The following TMCO1 variants were observed in gnomAD, a reference collection of about 807,000 sequenced individuals.
TMCO1 encodes calcium load-activated calcium channel.
In TMCO1, 29 loss-of-function variants were observed where a neutral mutation model predicts 29.3. The ratio of observed to expected loss-of-function variants is 0.99; its 90% CI spans 0.74 to 1.35. The LOEUF (loss-of-function observed/expected upper bound fraction) is 1.35. Among genes scored for constraint, TMCO1 ranks in the 40% most tolerant of loss-of-function variants. TMCO1 has a pLI of 0.00. For missense variants in TMCO1, 173 were observed against 225.5 expected (o/e 0.77, Z 1.49); for synonymous variants, 80 against 77.1 (o/e 1.04, Z -0.20).
intron 6 of TMCO1, among the ~76,000 whole-genome samples, chr1:165,742,609 A>C (rs1481943488): frequency 6.8e-6 from 1 of 148,134 alleles, no homozygotes; most frequent in African/African-American, 2.7e-5. Flanking sequence ...TTCATTCTCT[A>C]AACCTTTCTG....
At position 165,768,721 on chromosome 1, in the gene TMCO1, T is replaced by C; in HGVS notation, c.31A>G (p.Ile11Val). The C allele has an allele frequency of 1.9e-6, 3 of 1,613,986 alleles. No individual in the cohort carries two copies. Among genetic ancestry groups the C allele is most frequent in the Non-Finnish European group, 2.5e-6 (3 of 1,179,990 alleles). Reference protein sequence around the residue: MSTMFADTLLIVFISVCTALL... With the variant: MSTMFADTLLVVFISVCTALL... ...GCCGTGCACACAGAGATAAAAACGA[T>C]GAGGAGAGTGTCCGCGAACATAGTG... is the stretch of plus-strand genomic sequence containing the variant. Residue 11 changes from isoleucine (I) to valine (V), a missense_variant, in exon 1 of 7, where the codon ATC becomes GTC. Physicochemically the swap from Ile to Val is conservative, Grantham distance 29. Transcript: ENST00000367881.
At chr1:165,768,106 G>T in intron 2 of TMCO1, 86 bp downstream of exon 2, 2 of 1,153,734 alleles carry the variant, frequency 1.7e-6, no homozygotes, top group Admixed American at 1.8e-5. Flanking sequence ...CTTTGTATCA[G>T]CTGGTGCTCT....
At chr1:165,760,498 T>C (rs1283292686) in intron 2 of TMCO1, among the ~76,000 whole-genome samples, 3 of 150,240 alleles carry the variant, frequency 2.0e-5, no homozygotes, top group East Asian at 2.0e-4. Context: ...TACATAACAA[T>C]AAGCTTTTGA....
downstream of TMCO1, chr1:165,725,290 A>G (rs1650829782): frequency 2.2e-6 from 1 of 454,032 alleles, no homozygotes; most frequent in Non-Finnish European, 4.4e-6. Flanking sequence ...AGGGGGATCT[A>G]GAAGCTCTAT....
In TMCO1 at chr1:165,752,126, G is replaced by T; in HGVS notation, c.299C>A (p.Ala100Asp). The change falls in exon 5 of 7, where the codon GCC becomes GAC. Residue 100 changes from alanine to aspartate, a missense_variant. Ala to Asp is a moderately radical substitution (Grantham distance 126). Coordinates refer to ENST00000367881, the MANE Select transcript of TMCO1 (RefSeq NM_019026.6). ...CATGGAATTGAACATTCCCATTAGG[G>T]CAGTAAAACAAAAGCCAATAGCAAA... ...SMFAIGFCFT[A>D]LMGMFNSIFD... is the part of the protein sequence containing the mutation. 6.2e-7 allele frequency: 1 copy of T among 1,613,198 alleles called. No homozygotes were observed. Among genetic ancestry groups the T allele is most frequent in the Non-Finnish European group, 8.5e-7 (1 of 1,179,524 alleles).
chr1:165,742,959 T>G (rs562590839), intron 6 of TMCO1, among the ~76,000 whole-genome samples: 43 of 152,270 alleles, frequency 2.8e-4, no homozygotes, highest in Middle Eastern at 3.4e-3. Flanking sequence ...ATGTTTGGTT[T>G]TATCACTACT....
chr1:165,725,714 C>G (rs893726091), downstream of TMCO1: 1 of 454,022 alleles, frequency 2.2e-6, no homozygotes, highest in African/African-American at 2.0e-5. Context: ...GAAATTTCTT[C>G]AGGACAAGAA....
chr1:165,728,545 C>A (rs1022406375), intron 6 of TMCO1, among the ~76,000 whole-genome samples: 1 of 151,930 alleles, frequency 6.6e-6, no homozygotes, highest in African/African-American at 2.4e-5. Flanking sequence ...AGGGAGTCAC[C>A]GCACCTGGCA....
At chr1:165,752,211 A>C (rs770962427) in intron 4 of TMCO1, 42 bp from the exon 5 acceptor site, 1 of 1,523,390 alleles carries the variant, frequency 6.6e-7, no homozygotes, top group Non-Finnish European at 9.1e-7. Context: ...ACTAAAAAAA[A>C]ACACATCTAA....
At position 165,728,029 on chromosome 1, in the gene TMCO1, G is replaced by C; in HGVS notation, c.561C>G (p.Phe187Leu). Residue 187 changes from phenylalanine (F) to leucine (L), a missense_variant, in exon 7 of 7, where the codon TTC becomes TTG. Coordinates refer to ENST00000367881, the MANE Select transcript of TMCO1 (RefSeq NM_019026.6). ...FLGPPPPSGKFS is the reference protein window; with the variant it reads ...FLGPPPPSGKLS The stretch of plus-strand genomic sequence containing the variant: ...AAATAAAGAGTTCTTGAGTTCAAGA[G>C]AACTTCCCAGAAGGAGGTGGTGGGC... 1 of 1,605,862 alleles carries C rather than the reference G, an allele frequency of 6.2e-7. No homozygotes were observed. The highest frequency in any genetic ancestry group is 1.7e-5 in the Admixed American group (1 of 59,758).
chr1:165,726,023 A>T (rs1650876217), downstream of TMCO1: 2 of 687,576 alleles, frequency 2.9e-6, no homozygotes, highest in Non-Finnish European at 5.3e-6. Context: ...CCAACTTCAA[A>T]GCCTCAGGGT....
At chr1:165,748,123 C>A (rs1454452242) in intron 5 of TMCO1, among the ~76,000 whole-genome samples, 1 of 150,506 alleles carries the variant, frequency 6.6e-6, no homozygotes, top group Non-Finnish European at 1.5e-5. Context: ...CACGCCACTG[C>A]ACTTCAGCCT....
chr1:165,736,801 GT>G lies in TMCO1; in HGVS notation c.468+6365del, dbSNP rs1219212204. 5.3e-5 allele frequency among the ~76,000 whole-genome samples: 8 copies of G among 152,212 alleles called. No homozygotes were observed. In the East Asian group the frequency reaches 1.3e-3, roughly 26 times the overall value. On this transcript the variant is annotated intron_variant, in intron 6 of 6. Coordinates refer to ENST00000367881, the MANE Select transcript of TMCO1 (RefSeq NM_019026.6). ...CCAAATGTTGGAATTAGCACACAAG[GT>G]TTTTTTGTTTTGTTTTTGAGACAGA...
At chr1:165,730,167 C>A (rs546126577) in intron 6 of TMCO1, among the ~76,000 whole-genome samples, 114,931 of 132,626 alleles carry the variant, frequency 0.87, 49,818 homozygotes, top group East Asian at 0.98. Flanking sequence ...TAAAAATACA[C>A]ACACACAAAA....
chr1:165,749,734 T>TTAC (rs1430643861), intron 5 of TMCO1, among the ~76,000 whole-genome samples: 1 of 152,104 alleles, frequency 6.6e-6, no homozygotes, highest in Non-Finnish European at 1.5e-5. Flanking sequence ...ACGAATGGCA[T>TTAC]TACTTACCTA....
At chr1:165,725,006 CTCTCTCTCTCTCTCTCTCTA>C (rs764006113), downstream of TMCO1, 153 of 279,978 alleles carry the variant, frequency 5.5e-4, 1 homozygote, top group African/African-American at 2.7e-3. Flanking sequence ...CTCTCTCTCT[CTCTCTCTCTCTCTCTCTCTA>C]TATATATATA....
intron 2 of TMCO1, 123 bp from the exon 3 acceptor site, chr1:165,759,707 G>A: frequency 1.3e-6 from 1 of 781,010 alleles, no homozygotes; most frequent in South Asian, 1.6e-5. Flanking sequence ...ACTGATTATG[G>A]TCATGATTAA....
intron 5 of TMCO1, among the ~76,000 whole-genome samples, chr1:165,748,302 G>T (rs529334057): frequency 3.4e-4 from 52 of 152,200 alleles, no homozygotes; most frequent in Non-Finnish European, 6.8e-4. Flanking sequence ...AACAATGTTG[G>T]ATAGAGAGGA....
chr1:165,749,607 G>A (rs1324247453), intron 5 of TMCO1, among the ~76,000 whole-genome samples: 2 of 152,108 alleles, frequency 1.3e-5, no homozygotes, highest in Non-Finnish European at 2.9e-5. Flanking sequence ...AGGATGCAGT[G>A]GGCAATGACT....
Sources: gnomAD v4.1 joint callset for allele counts (sites outside exome capture counted in the v4.1 genomes callset) on GRCh38, gnomAD v4.1.1 for gene constraint, MANE v1.5 for transcripts, NCBI Gene and HGNC (gene_info 2026-07-23, HGNC 2026-07-21) for gene names.